RTKN: variants seen among roughly 807,000 people sequenced by gnomAD.
The protein encoded by RTKN is rhotekin.
In RTKN, 49 loss-of-function variants were observed where a neutral mutation model predicts 63.5. That is an observed-to-expected ratio of 0.77 (90% CI 0.61 to 0.98). RTKN has a LOEUF of 0.98. Among genes scored for constraint, RTKN ranks in the 50% least tolerant of loss-of-function variants. The pLI, the probability that RTKN is intolerant of heterozygous loss-of-function variation, is 0.00. For synonymous variants in RTKN, 295 were observed against 290.4 expected (o/e 1.02, Z -0.16); for missense variants, 685 against 740.8 (o/e 0.92, Z 0.87).
chr2:74,429,534 G>A (rs1670616481), intron 6 of RTKN, among the ~76,000 whole-genome samples: 1 of 152,134 alleles, frequency 6.6e-6, no homozygotes, highest in Non-Finnish European at 1.5e-5. Context: ...AGACTAGCCT[G>A]GGCAACATAG....
At position 74,432,577 on chromosome 2, in the gene RTKN, C is replaced by T. The variant is rs760696561; in HGVS notation, c.201G>A (p.Gln67=). 10 of 1,614,150 alleles carry T rather than the reference C, an allele frequency of 6.2e-6. No homozygotes were observed. Among genetic ancestry groups the T allele is most frequent in the Non-Finnish European group, 8.5e-6 (10 of 1,180,050 alleles). The change falls in exon 2 of 12, where the codon CAG becomes CAA. Residue 67 remains glutamine, a synonymous_variant. Transcript: ENST00000272430. ...GCAGGCTCTTGGTGGCCTCCAGAGC[C>T]TGCTCTCGCTGGGAGCAGGCTGCCA... The part of the protein sequence containing the change: ...KLLAACSQRE[Q]ALEATKSLLV...
At chr2:74,441,673 C>T (rs1228247803) in intron 1 of RTKN, 33 bp downstream of exon 1, 3 of 1,525,886 alleles carry the variant, frequency 2.0e-6, no homozygotes, top group Non-Finnish European at 1.8e-6. Context: ...CCGGGAGCCG[C>T]GGAAGGGGAA....
At chr2:74,432,309 AG>A (rs1346003731) in intron 2 of RTKN, 157 bp downstream of exon 2, 2 of 783,784 alleles carry the variant, frequency 2.6e-6, no homozygotes, top group Non-Finnish European at 4.5e-6. Context: ...GGCAACACAC[AG>A]TGGTGGTAAA....
At chr2:74,430,421 C>G in intron 4 of RTKN, 44 bp downstream of exon 4, 1 of 1,613,578 alleles carries the variant, frequency 6.2e-7, no homozygotes, top group Non-Finnish European at 8.5e-7. Context: ...CCTCCTACTT[C>G]AGGGTCATTC....
At chr2:74,428,819 G>A (rs758565482) in intron 7 of RTKN, 29 bp downstream of exon 7, 2 of 1,608,930 alleles carry the variant, frequency 1.2e-6, no homozygotes, top group Non-Finnish European at 8.5e-7. Flanking sequence ...CATCACATGT[G>A]TATGTCCCCC....
chr2:74,427,046 G>A, intron 11 of RTKN, 123 bp downstream of exon 11: 1 of 1,466,896 alleles, frequency 6.8e-7, no homozygotes, highest in Non-Finnish European at 9.1e-7. Flanking sequence ...GTGAGACTTG[G>A]GTCCCCAGAG....
intron 1 of RTKN, chr2:74,440,103 G>T: frequency 1.6e-6 from 1 of 643,326 alleles, no homozygotes; most frequent in South Asian, 5.9e-5. Context: ...CAACTGGAAG[G>T]GGGCAGGGAA....
chr2:74,437,519 C>T (rs1281444806), intron 1 of RTKN, among the ~76,000 whole-genome samples: 4 of 152,134 alleles, frequency 2.6e-5, no homozygotes, highest in Admixed American at 6.5e-5. Context: ...AGAAAATTTA[C>T]ATTTTTTGGA....
chr2:74,430,343 G>A lies in RTKN; in HGVS notation c.454C>T (p.Leu152=), dbSNP rs753510265. The A allele has an allele frequency of 1.2e-6, 2 of 1,614,226 alleles. No individual in the cohort carries two copies. Among genetic ancestry groups the A allele is most frequent in the Non-Finnish European group, 1.7e-6 (2 of 1,180,038 alleles). ...GDLHRWAVFL[L]LQLGEHIQDT... ...TGGATGTGTTCCCCCAGCTGCAGCA[G>A]CAGGAACACAGCCCAGCGGTGCAAG... Residue 152 remains leucine (L), a synonymous_variant, in exon 5 of 12, where the codon CTG becomes TTG. Coordinates refer to ENST00000272430, the MANE Select transcript of RTKN (RefSeq NM_001015055.2).
rs1191553723 is a variant in RTKN, at chr2:74,436,263, G to A, written c.112-3597C>T. 1.3e-5 allele frequency among the ~76,000 whole-genome samples: 2 copies of A among 152,272 alleles called. No individual in the cohort carries two copies. The highest frequency in any genetic ancestry group is 2.9e-5 in the Non-Finnish European group (2 of 68,046). On this transcript the variant is annotated intron_variant, in intron 1 of 11. Coordinates refer to ENST00000272430, the MANE Select transcript of RTKN (RefSeq NM_001015055.2). The surrounding 1 kb of genome is among the most constrained non-coding windows in gnomAD (Gnocchi z 4.3). ...GAGGTCCAGAGAGCTGCACTGGCCT[G>A]GGGAGCCGGCTGGGTCCGAGGGCCG...
In RTKN at chr2:74,430,873, G is replaced by A. The variant is rs1573246707; in HGVS notation, c.312-196C>T. 1.0e-4 allele frequency: 61 copies of A among 598,942 alleles called. No homozygotes were observed. The South Asian group carries it at 1.2e-3, about 12-fold the overall frequency. The allele number at this position is 598,942 out of a possible 1,614,324, so 37.1% of individuals were successfully genotyped here. A position where few individuals can be genotyped will look rare whatever the true frequency, so the allele number is the denominator to read the frequency against. Reference sequence around the variant, plus strand: ...CAGTTTGCCAGGCTTGGGGACACCAGGGACACTCAAGCCACATTAACTCAC... The same window carrying A: ...CAGTTTGCCAGGCTTGGGGACACCAAGGACACTCAAGCCACATTAACTCAC... On this transcript the variant is annotated intron_variant, in intron 2 of 11. Transcript: ENST00000272430.
chr2:74,426,187 A>G lies in RTKN; in HGVS notation c.*56T>C, dbSNP rs1670374712. 4.0e-6 allele frequency: 6 copies of G among 1,506,576 alleles called. No homozygotes were observed. The highest frequency in any genetic ancestry group is 2.8e-5 in the African/African-American group (2 of 72,352). The allele number at this position is 1,506,576 out of a possible 1,614,324, so 93.3% of individuals were successfully genotyped here. A position where few individuals can be genotyped will look rare whatever the true frequency, so the allele number is the denominator to read the frequency against. ...TAGACAGCGCCGTATCCAGAGCCCA[A>G]CTGCGCATGGGTCATTTTCTCTTCT... On this transcript the variant is annotated 3_prime_UTR_variant, in exon 12 of 12. Coordinates refer to ENST00000272430, the MANE Select transcript of RTKN (RefSeq NM_001015055.2).
intron 2 of RTKN, chr2:74,431,975 G>C (rs1670774425): frequency 4.4e-6 from 1 of 228,620 alleles, no homozygotes; most frequent in Non-Finnish European, 8.8e-6. Context: ...CAGAAGCTGA[G>C]CCCTTTTAGA....
chr2:74,438,878 C>T (rs1293462338), intron 1 of RTKN, among the ~76,000 whole-genome samples: 2 of 152,176 alleles, frequency 1.3e-5, no homozygotes, highest in Non-Finnish European at 2.9e-5. Flanking sequence ...TTTATGTGTT[C>T]GTATGTATAT....
Position 74,426,385 on chromosome 2 carries a change from C to T in RTKN, c.1550G>A (p.Arg517Gln), listed in dbSNP as rs771115344. ...WTHPLPWGRP[R>Q]TFSLDAVPPD... is the part of the protein sequence containing the mutation. Reference sequence around the variant, plus strand: ...GGGGACAGCATCCAGGGAAAAGGTTCGGGGTCTCCCCCAGGGCAGGGGGTG... The same window carrying T: ...GGGGACAGCATCCAGGGAAAAGGTTTGGGGTCTCCCCCAGGGCAGGGGGTG... The change falls in exon 12 of 12, where the codon CGA becomes CAA. Residue 517 changes from arginine to glutamine, a missense_variant. Coordinates refer to ENST00000272430, the MANE Select transcript of RTKN (RefSeq NM_001015055.2). 2.5e-5 allele frequency: 40 copies of T among 1,610,824 alleles called. No homozygotes were observed. In the Middle Eastern group the frequency reaches 5.0e-4, roughly 20 times the overall value.
intron 6 of RTKN, 98 bp from the exon 7 acceptor site, chr2:74,429,040 C>A: frequency 2.1e-6 from 2 of 950,234 alleles, no homozygotes; most frequent in Non-Finnish European, 3.3e-6. Flanking sequence ...TCAGACTGCC[C>A]CACAGAAAAC....
At chr2:74,440,138 G>C in intron 1 of RTKN, 7 of 449,936 alleles carry the variant, frequency 1.6e-5, no homozygotes, top group Non-Finnish European at 2.1e-5. Flanking sequence ...AGGTTCTAGA[G>C]TCATGGGGTT....
chr2:74,430,837 A>C (rs1450706256), intron 2 of RTKN, 160 bp from the exon 3 acceptor site: 1 of 678,000 alleles, frequency 1.5e-6, no homozygotes, highest in South Asian at 1.9e-5. Context: ...AAAGTTGTTC[A>C]TTGAACCCAG....
At position 74,428,666 on chromosome 2, in the gene RTKN, T is replaced by A; in HGVS notation, c.922A>T (p.Thr308Ser). 3 of 1,613,610 alleles carry A rather than the reference T, an allele frequency of 1.9e-6. No homozygotes were observed. Among genetic ancestry groups the A allele is most frequent in the Non-Finnish European group, 2.5e-6 (3 of 1,179,900 alleles). ...CRLAAQPLCM[T>S]QPTASGTLRV... ...AGGGTACCACTTGCAGTGGGCTGAGTCATGCAGAGAGGCTGAGCTGCCAGA... is the reference window on the plus strand; with the variant it reads ...AGGGTACCACTTGCAGTGGGCTGAGACATGCAGAGAGGCTGAGCTGCCAGA... The change falls in exon 8 of 12, where the codon ACT (threonine) becomes TCT (serine). Residue 308 changes from threonine (T) to serine (S), a missense_variant. Coordinates refer to ENST00000272430, the MANE Select transcript of RTKN (RefSeq NM_001015055.2).
Sources: allele counts gnomAD v4.1 joint callset (sites outside exome capture counted in the v4.1 genomes callset), GRCh38; gene constraint gnomAD v4.1.1; non-coding constraint Gnocchi (gnomAD v3.1); transcripts MANE v1.5; gene names NCBI Gene and HGNC (gene_info 2026-07-23, HGNC 2026-07-21).